PCED1B: variants seen among roughly 807,000 people sequenced by gnomAD.
PCED1B encodes the protein PC-esterase domain containing 1B.
For missense variants in PCED1B, 573 were observed against 573.9 expected, an observed-to-expected ratio of 1.00 and a Z score of 0.02; for synonymous variants, 251 against 246.1, an observed-to-expected ratio of 1.02 and a Z score of -0.19.
At chr12:47,141,521 G>C (rs917784154) in intron 2 of PCED1B, among the ~76,000 whole-genome samples, 15 of 152,266 alleles carry the variant, frequency 9.9e-5, no homozygotes, top group African/African-American at 2.9e-4. Context: ...CAACAGGCCT[G>C]CTGACCACAA....
intron 2 of PCED1B, among the ~76,000 whole-genome samples, chr12:47,154,108 G>A (rs977200813): frequency 6.6e-6 from 1 of 152,204 alleles, no homozygotes; most frequent in Non-Finnish European, 1.5e-5. Context: ...ACTGCCCTTT[G>A]TTCCAAACCA....
At chr12:47,085,212 T>G (rs1248307529) in intron 1 of PCED1B, among the ~76,000 whole-genome samples, 2 of 152,198 alleles carry the variant, frequency 1.3e-5, no homozygotes, top group Non-Finnish European at 2.9e-5. Flanking sequence ...ATGTAACAAT[T>G]GACTATTTCT....
chr12:47,130,494 T>C (rs1350562962), intron 2 of PCED1B, among the ~76,000 whole-genome samples: 1 of 152,102 alleles, frequency 6.6e-6, no homozygotes, highest in Non-Finnish European at 1.5e-5. Context: ...CTGGGCAACA[T>C]AGTGAAATCC....
chr12:47,131,673 C>CTTTTTTTTTTTTT (rs760678015), intron 2 of PCED1B, among the ~76,000 whole-genome samples: 4,294 of 126,596 alleles, frequency 0.034, 284 homozygotes, highest in African/African-American at 0.074. Context: ...TGTTTTACTT[C>CTTTTTTTTTTTTT]TTTTTTTTTT....
In PCED1B at chr12:47,177,570, A is replaced by T. The variant is rs137915332; in HGVS notation, c.-525-38652A>T. Among the ~76,000 whole-genome samples, 481 of 152,276 alleles carry T rather than the reference A, an allele frequency of 3.2e-3. 3 individuals carry two copies. The highest frequency in any genetic ancestry group is 8.9e-3 in the African/African-American group (370 of 41,570). ...AGGAGACGGGAGAGATGATGATTAT[A>T]GCACCTATGTTGTACTGATGCCTTA... On this transcript the variant is annotated intron_variant, in intron 2 of 3. Coordinates refer to ENST00000546455, the MANE Select transcript of PCED1B (RefSeq NM_138371.3).
chr12:47,204,200 C>T (rs61927723), intron 2 of PCED1B, among the ~76,000 whole-genome samples: 4,955 of 152,216 alleles, frequency 0.033, 89 homozygotes, highest in Middle Eastern at 0.068. Context: ...CTGCCCGCTT[C>T]GGCATCCCAA....
chr12:47,107,232 C>T (rs968623235), intron 2 of PCED1B, among the ~76,000 whole-genome samples: 4 of 152,078 alleles, frequency 2.6e-5, no homozygotes, highest in Admixed American at 2.0e-4. Flanking sequence ...GGCCAAACAC[C>T]GTAAGCCTAG....
At chr12:47,128,122 C>A (rs566993821) in intron 2 of PCED1B, among the ~76,000 whole-genome samples, 4 of 151,986 alleles carry the variant, frequency 2.6e-5, no homozygotes, top group African/African-American at 9.7e-5. Context: ...AATAAAAAAA[C>A]GAAATTGTTG....
intron 1 of PCED1B, among the ~76,000 whole-genome samples, chr12:47,081,585 G>A (rs1156723427): frequency 6.6e-6 from 1 of 152,162 alleles, no homozygotes; most frequent in Non-Finnish European, 1.5e-5. Context: ...GTACTTAAAG[G>A]GGAGAGGCAG....
At chr12:47,144,336 A>G (rs4357779) in intron 2 of PCED1B, among the ~76,000 whole-genome samples, 1 of 152,162 alleles carries the variant, frequency 6.6e-6, no homozygotes, top group Non-Finnish European at 1.5e-5. Context: ...CTGGTCCTGT[A>G]ACAGGAGGGA....
intron 1 of PCED1B, among the ~76,000 whole-genome samples, chr12:47,080,579 G>C (rs1253760495): frequency 6.6e-6 from 1 of 152,158 alleles, no homozygotes. Flanking sequence ...TCGCCACGGG[G>C]ACACCCCTCA....
At chr12:47,177,602 C>A (rs1457463333) in intron 2 of PCED1B, among the ~76,000 whole-genome samples, 1 of 152,064 alleles carries the variant, frequency 6.6e-6, no homozygotes, top group Non-Finnish European at 1.5e-5. Flanking sequence ...CTTAGTCCAG[C>A]CTGGTGGTGG....
chr12:47,149,488 A>G (rs1940911409), intron 2 of PCED1B, among the ~76,000 whole-genome samples: 1 of 152,200 alleles, frequency 6.6e-6, no homozygotes, highest in Admixed American at 6.5e-5. Context: ...TGGCTTACAC[A>G]TTAGTAAATG....
chr12:47,105,297 A>G (rs982312697), intron 2 of PCED1B, among the ~76,000 whole-genome samples: 34 of 152,148 alleles, frequency 2.2e-4, no homozygotes, highest in African/African-American at 7.7e-4. Context: ...TGTGCCTAGA[A>G]CAGGGAATCT....
chr12:47,170,509 G>A (rs899509543), intron 2 of PCED1B, among the ~76,000 whole-genome samples: 29 of 146,040 alleles, frequency 2.0e-4, no homozygotes, highest in African/African-American at 5.9e-4. Context: ...GGCGGCGGCC[G>A]GGCGGAGGCG....
chr12:47,088,927 T>C (rs567225071), intron 1 of PCED1B, among the ~76,000 whole-genome samples: 1 of 152,224 alleles, frequency 6.6e-6, no homozygotes, highest in East Asian at 1.9e-4. Flanking sequence ...GGGAAGGCTC[T>C]AAGAACCTTG....
intron 1 of PCED1B, among the ~76,000 whole-genome samples, chr12:47,080,693 C>T (rs1172633420): frequency 6.6e-6 from 1 of 152,218 alleles, no homozygotes; most frequent in Non-Finnish European, 1.5e-5. Flanking sequence ...TGGAGCCGAC[C>T]TTCCGGCTGG....
In PCED1B at chr12:47,200,208, T is replaced by A. The variant is rs1338467098; in HGVS notation, c.-525-16014T>A. On this transcript the variant is annotated intron_variant, in intron 2 of 3. Coordinates refer to ENST00000546455, the MANE Select transcript of PCED1B (RefSeq NM_138371.3). The stretch of plus-strand genomic sequence containing the variant: ...AGATCTTGCCTCAAAAAAAAAAAAA[T>A]TCTATCCAAAATATGTAAAGTGTTA... 2.7e-5 allele frequency among the ~76,000 whole-genome samples: 4 copies of A among 147,322 alleles called. No individual in the cohort carries two copies. The East Asian group carries it at 5.9e-4, about 22-fold the overall frequency.
intron 2 of PCED1B, among the ~76,000 whole-genome samples, chr12:47,107,537 G>A (rs528674833): frequency 6.6e-6 from 1 of 152,354 alleles, no homozygotes; most frequent in East Asian, 1.9e-4. Flanking sequence ...CGAAGTTAGA[G>A]CACTAGAAGG....
Sources: gnomAD v4.1 joint callset for allele counts (sites outside exome capture counted in the v4.1 genomes callset) on GRCh38, gnomAD v4.1.1 for gene constraint, MANE v1.5 for transcripts, NCBI Gene and HGNC (gene_info 2026-07-23, HGNC 2026-07-21) for gene names.